The following SAMD5 variants were observed in gnomAD, a reference collection of about 807,000 sequenced individuals.
SAMD5 encodes the protein sterile alpha motif domain containing 5.
A neutral mutation model predicts 11.3 loss-of-function variants in SAMD5; 13 were observed. That is an observed-to-expected ratio of 1.15 (90% confidence interval 0.75 to 1.83). The LOEUF (loss-of-function observed/expected upper bound fraction) is 1.83. Ranked by LOEUF, SAMD5 falls within the 40% of genes most tolerant of loss-of-function variation. The pLI is 0.00. For missense variants in SAMD5, 255 were observed against 239.1 expected (o/e 1.07, Z -0.44); for synonymous variants, 129 against 111.3 (o/e 1.16, Z -1.00).
At chr6:147,689,921 A>G (rs1791077028) in intron 1 of SAMD5, among the ~76,000 whole-genome samples, 1 of 152,208 alleles carries the variant, frequency 6.6e-6, no homozygotes, top group African/African-American at 2.4e-5. Flanking sequence ...AAAGAGTGCT[A>G]TAGTGTTATT....
the SAMD5 span, among the ~76,000 whole-genome samples, chr6:147,814,646 C>T: frequency 4.6e-5 from 7 of 152,076 alleles, no homozygotes; most frequent in Admixed American, 1.3e-4. Context: ...TGAAGCACAC[C>T]GTGTAGTTTA....
intron 1 of SAMD5, among the ~76,000 whole-genome samples, chr6:147,519,071 A>T (rs1048839682): frequency 6.6e-6 from 1 of 152,226 alleles, no homozygotes; most frequent in African/African-American, 2.4e-5. Flanking sequence ...ATTTCCATAA[A>T]GTTAAAAATG....
intron 1 of SAMD5, among the ~76,000 whole-genome samples, chr6:147,685,463 A>G (rs112957727): frequency 0.12 from 17,597 of 152,168 alleles, 1,113 homozygotes; most frequent in Middle Eastern, 0.16. Context: ...ATGAGCCGCT[A>G]CACCCAGCCA....
At position 147,566,279 on chromosome 6, in the gene SAMD5, C is replaced by T. The variant is rs924239709; in HGVS notation, c.*1823C>T. 14 of 976,008 alleles carry T rather than the reference C, an allele frequency of 1.4e-5. No individual in the cohort carries two copies. The highest frequency in any genetic ancestry group is 5.3e-5 in the African/African-American group (3 of 56,892). 60.5% of individuals were successfully genotyped at this position (976,008 alleles called of 1,614,324 possible). A position where few individuals can be genotyped will look rare whatever the true frequency, so the allele number is the denominator to read the frequency against. ...TTCATCAGGATTATATTCCAGTTAA[C>T]CTTTCATCTTTTTTTTTTTTCCAAA... On this transcript the variant is annotated 3_prime_UTR_variant, in exon 2 of 2. Transcript: ENST00000367474.
chr6:147,629,955 T>C (rs1371523725), intron 1 of SAMD5, among the ~76,000 whole-genome samples: 2 of 150,742 alleles, frequency 1.3e-5, no homozygotes, highest in African/African-American at 2.4e-5. Flanking sequence ...TTTCTTTTTT[T>C]TTTTTTTTTT....
the SAMD5 span, among the ~76,000 whole-genome samples, chr6:147,877,940 T>TTTTTTTTTTCTTTGTG: frequency 2.0e-5 from 2 of 99,238 alleles, 1 homozygote; most frequent in Non-Finnish European, 4.4e-5. Context: ...GATAGATAGA[T>TTTTTTTTTTCTTTGTG]AGATAGACTC....
chr6:147,691,601 A>T (rs929784469), intron 1 of SAMD5, among the ~76,000 whole-genome samples: 3 of 152,214 alleles, frequency 2.0e-5, no homozygotes. Flanking sequence ...TGCTGAAGCC[A>T]TCATTACTCA....
At chr6:147,687,276 C>CTT (rs59851113) in intron 1 of SAMD5, among the ~76,000 whole-genome samples, 32 of 105,022 alleles carry the variant, frequency 3.0e-4, no homozygotes, top group Admixed American at 4.2e-4. Context: ...TCTCCTCCTT[C>CTT]TTTTTTTTTT....
intron 1 of SAMD5, among the ~76,000 whole-genome samples, chr6:147,688,139 CTTCT>C (rs763064740): frequency 1.5e-4 from 22 of 151,468 alleles, no homozygotes; most frequent in Non-Finnish European, 1.5e-4. Context: ...TTCTGTTTTC[CTTCT>C]TTCTTTTTTT....
chr6:147,616,853 T>C (rs1789880771), intron 1 of SAMD5, among the ~76,000 whole-genome samples: 2 of 152,196 alleles, frequency 1.3e-5, no homozygotes, highest in South Asian at 4.1e-4. Flanking sequence ...GAGAACTCTC[T>C]GACTATCACT....
chr6:147,566,314 G>T lies in SAMD5; in HGVS notation c.*1858G>T. On this transcript the variant is annotated 3_prime_UTR_variant, in exon 2 of 2. Transcript: ENST00000367474. ...TTTTTTTTTTTCCAAATGAACTAGGGTCTTTAAAATTCCTAAGTAGATTCT... is the reference window on the plus strand; with the variant it reads ...TTTTTTTTTTTCCAAATGAACTAGGTTCTTTAAAATTCCTAAGTAGATTCT... The T allele has an allele frequency of 1.0e-6, 1 of 976,924 alleles. No homozygotes were observed. 60.5% of individuals were successfully genotyped at this position (976,924 alleles called of 1,614,324 possible). A position where few individuals can be genotyped will look rare whatever the true frequency, so the allele number is the denominator to read the frequency against.
chr6:147,938,789 C>T, the SAMD5 span, among the ~76,000 whole-genome samples: 9 of 152,256 alleles, frequency 5.9e-5, no homozygotes, highest in African/African-American at 1.9e-4. Flanking sequence ...GAGGAGTGGT[C>T]GACTTGGTAT....
In SAMD5 at chr6:147,566,351, G is replaced by C. The variant is rs1267191007; in HGVS notation, c.*1895G>C. 1.4e-5 allele frequency: 14 copies of C among 982,038 alleles called. No individual in the cohort carries two copies. The highest frequency in any genetic ancestry group is 1.8e-5 in the African/African-American group (1 of 57,096). The allele number at this position is 982,038 out of a possible 1,614,324, so 60.8% of individuals were successfully genotyped here. A position where few individuals can be genotyped will look rare whatever the true frequency, so the allele number is the denominator to read the frequency against. ...CCTAAGTAGATTCTTTTGAGTGGTA[G>C]GGGAGTCTGTATAGATTACAGATAT... is the stretch of plus-strand genomic sequence containing the variant. On this transcript the variant is annotated 3_prime_UTR_variant, in exon 2 of 2. Transcript: ENST00000367474.
the SAMD5 span, among the ~76,000 whole-genome samples, chr6:147,886,877 A>G: frequency 1.3e-5 from 2 of 152,196 alleles, no homozygotes; most frequent in East Asian, 1.9e-4. Flanking sequence ...TACAGCTACA[A>G]GCTATGAGGA....
chr6:147,578,746 A>G (rs1408126234), intron 1 of SAMD5, among the ~76,000 whole-genome samples: 6 of 152,076 alleles, frequency 3.9e-5, no homozygotes, highest in Non-Finnish European at 8.8e-5. Flanking sequence ...GTGGGTAATA[A>G]TCATTTATAT....
chr6:147,878,609 ATAGATATATATG>A, the SAMD5 span, among the ~76,000 whole-genome samples: 1 of 146,852 alleles, frequency 6.8e-6, no homozygotes, highest in Admixed American at 6.8e-5. Context: ...ATATATCTAT[ATAGATATATATG>A]TATATATATC....
intron 1 of SAMD5, among the ~76,000 whole-genome samples, chr6:147,666,622 C>T (rs1424022634): frequency 1.3e-5 from 2 of 152,140 alleles, no homozygotes; most frequent in Non-Finnish European, 2.9e-5. Flanking sequence ...AGGGAGATCT[C>T]CTTTCTTTTT....
the SAMD5 span, among the ~76,000 whole-genome samples, chr6:147,895,752 CG>C: frequency 6.6e-6 from 1 of 152,218 alleles, no homozygotes; most frequent in Non-Finnish European, 1.5e-5. Context: ...GGTTTGACCT[CG>C]GCCACATTAG....
chr6:147,796,561 G>T, the SAMD5 span, among the ~76,000 whole-genome samples: 2 of 152,064 alleles, frequency 1.3e-5, no homozygotes, highest in Non-Finnish European at 2.9e-5. Context: ...CTCTTTTTTG[G>T]TTCCATATGA....
Sources: gnomAD v4.1 joint callset for allele counts (sites outside exome capture counted in the v4.1 genomes callset) on GRCh38, gnomAD v4.1.1 for gene constraint, MANE v1.5 for transcripts, NCBI Gene and HGNC (gene_info 2026-07-23, HGNC 2026-07-21) for gene names.